The following MYO5B variants were observed in gnomAD, a reference collection of about 807,000 sequenced individuals.
MYO5B encodes myosin VB, also known as unconventional myosin-Vb.
A neutral mutation model predicts 229.3 loss-of-function variants in MYO5B; 143 were observed. The observed-to-expected ratio is 0.62, with a 90% CI of 0.54 to 0.72. The LOEUF (loss-of-function observed/expected upper bound fraction) is 0.72. Ranked by LOEUF, MYO5B falls within the 30% of genes least tolerant of loss-of-function variation. The pLI is 0.00. For missense variants in MYO5B, 2,321 were observed against 2,331.0 expected (o/e 1.00, Z 0.09); for synonymous variants, 918 against 885.2 (o/e 1.04, Z -0.66).
At chr18:50,044,961 T>G (rs1436595220) in intron 2 of MYO5B, among the ~76,000 whole-genome samples, 1 of 152,114 alleles carries the variant, frequency 6.6e-6, no homozygotes, top group Admixed American at 6.5e-5. Context: ...TGTGAGGCTC[T>G]GATTAGCCTC....
intron 22 of MYO5B, 43 bp downstream of exon 22, chr18:49,894,898 C>T: frequency 6.4e-7 from 1 of 1,571,746 alleles, no homozygotes; most frequent in South Asian, 1.1e-5. Flanking sequence ...CGTGTGCCCA[C>T]CCACTCTGCT....
intron 4 of MYO5B, among the ~76,000 whole-genome samples, chr18:50,008,208 C>T (rs974907831): frequency 1.3e-5 from 2 of 152,146 alleles, no homozygotes; most frequent in African/African-American, 2.4e-5. Context: ...CTCTAGAAGG[C>T]CCCCACCACC....
chr18:49,849,495 G>C (rs2024172164), intron 32 of MYO5B, 72 bp downstream of exon 32: 1 of 1,071,024 alleles, frequency 9.3e-7, no homozygotes, highest in African/African-American at 1.6e-5. Flanking sequence ...AGGGCAGGCA[G>C]ACAGCTCACA....
At chr18:50,152,774 G>A (rs1439152326) in intron 1 of MYO5B, among the ~76,000 whole-genome samples, 2 of 150,508 alleles carry the variant, frequency 1.3e-5, no homozygotes, top group Non-Finnish European at 2.9e-5. Context: ...TTCTGATATT[G>A]GGGTTCTTAA....
intron 16 of MYO5B, 95 bp from the exon 17 acceptor site, chr18:49,929,693 G>GC: frequency 4.6e-6 from 5 of 1,078,294 alleles, no homozygotes; most frequent in Non-Finnish European, 5.5e-6. Context: ...CCTGCAGCAT[G>GC]TGAAGTACCT....
intron 12 of MYO5B, among the ~76,000 whole-genome samples, chr18:49,955,442 G>A (rs2025482024): frequency 6.6e-6 from 1 of 152,076 alleles, no homozygotes. Flanking sequence ...CTCAGTGACG[G>A]GTCACTAACT....
At chr18:49,989,758 C>A (rs945646166) in intron 7 of MYO5B, among the ~76,000 whole-genome samples, 1 of 152,188 alleles carries the variant, frequency 6.6e-6, no homozygotes, top group Non-Finnish European at 1.5e-5. Flanking sequence ...GGAGTGGAAA[C>A]AAAGGGTGGT....
chr18:50,076,543 C>T (rs1348340611), intron 1 of MYO5B, among the ~76,000 whole-genome samples: 3 of 152,226 alleles, frequency 2.0e-5, no homozygotes, highest in African/African-American at 4.8e-5. Context: ...GCATCCATTC[C>T]TGTCCTTCCT....
intron 14 of MYO5B, among the ~76,000 whole-genome samples, chr18:49,951,521 C>A (rs918526908): frequency 2.6e-5 from 4 of 152,158 alleles, no homozygotes; most frequent in Non-Finnish European, 5.9e-5. Context: ...GGAAAAGCAG[C>A]TCAGCTATTA....
At chr18:50,001,744 A>T (rs1055361355) in intron 4 of MYO5B, among the ~76,000 whole-genome samples, 10 of 152,114 alleles carry the variant, frequency 6.6e-5, no homozygotes, top group African/African-American at 2.4e-4. Context: ...ATTCACAAGC[A>T]CACACAGACC....
At chr18:49,964,984 A>G (rs556525620) in intron 10 of MYO5B, among the ~76,000 whole-genome samples, 2 of 152,356 alleles carry the variant, frequency 1.3e-5, no homozygotes, top group African/African-American at 4.8e-5. Context: ...AGAGATTCCG[A>G]AGGATGTCAA....
At chr18:50,010,329 G>A (rs1048345819) in intron 4 of MYO5B, among the ~76,000 whole-genome samples, 1 of 152,184 alleles carries the variant, frequency 6.6e-6, no homozygotes, top group Non-Finnish European at 1.5e-5. Flanking sequence ...CCCAAGCAGG[G>A]CTGTCTCCAT....
intron 2 of MYO5B, among the ~76,000 whole-genome samples, chr18:50,043,292 TATATATA>T (rs1190884421): frequency 4.8e-5 from 4 of 82,784 alleles, no homozygotes; most frequent in East Asian, 3.5e-4. Context: ...ATTTATATAT[TATATATA>T]ATATATAATA....
intron 31 of MYO5B, among the ~76,000 whole-genome samples, chr18:49,852,765 C>T (rs2024216955): frequency 6.6e-6 from 1 of 152,178 alleles, no homozygotes; most frequent in African/African-American, 2.4e-5. Flanking sequence ...CCCTTCATAC[C>T]TCCTGTCTCA....
chr18:50,014,822 G>A (rs868124060), intron 4 of MYO5B, among the ~76,000 whole-genome samples: 8 of 152,164 alleles, frequency 5.3e-5, no homozygotes, highest in South Asian at 2.1e-4. Flanking sequence ...ATTTTTTACC[G>A]CACAGCTCCC....
Position 50,156,361 on chromosome 18 carries a change from C to G in MYO5B, c.27+38406G>C, listed in dbSNP as rs181402079. On this transcript the variant is annotated intron_variant, in intron 1 of 39. Transcript: ENST00000285039. ...TAATCCCCCCGTGTTGCGGGAGGGA[C>G]CAGGTGGAGATAACTGAATCATGGG... 1.4e-3 allele frequency among the ~76,000 whole-genome samples: 219 copies of G among 152,316 alleles called. 1 individual carries two copies. The highest frequency in any genetic ancestry group is 3.1e-3 in the Admixed American group (48 of 15,300).
intron 1 of MYO5B, among the ~76,000 whole-genome samples, chr18:50,101,227 T>C (rs1388288111): frequency 1.3e-5 from 2 of 152,222 alleles, no homozygotes; most frequent in Admixed American, 6.5e-5. Context: ...AATGTATATG[T>C]ACATCAAAGC....
chr18:49,939,973 C>T (rs1039090193), intron 14 of MYO5B, among the ~76,000 whole-genome samples: 23 of 152,318 alleles, frequency 1.5e-4, no homozygotes, highest in African/African-American at 5.5e-4. Flanking sequence ...TCATGTATGG[C>T]TACAGGTCCC....
intron 4 of MYO5B, among the ~76,000 whole-genome samples, chr18:50,014,294 A>AT (rs34931789): frequency 7.1e-6 from 1 of 141,640 alleles, no homozygotes; most frequent in African/African-American, 2.6e-5. Context: ...AAAAAAAAAA[A>AT]AACTACGGGT....
Sources: gnomAD v4.1 joint callset for allele counts (sites outside exome capture counted in the v4.1 genomes callset) on GRCh38, gnomAD v4.1.1 for gene constraint, MANE v1.5 for transcripts, NCBI Gene and HGNC (gene_info 2026-07-23, HGNC 2026-07-21) for gene names.